SDK2: variants seen among roughly 807,000 people sequenced by gnomAD.
SDK2 encodes protein sidekick-2.
SDK2 carries 105 observed loss-of-function variants against 253.9 expected under a neutral mutation model. The observed-to-expected ratio is 0.41, with a 90% CI of 0.35 to 0.49. The LOEUF is 0.49. SDK2 is among the 20% of genes least tolerant of loss of function. The pLI, the probability that SDK2 is intolerant of heterozygous loss-of-function variation, is 0.06. For missense variants in SDK2, 2,608 were observed against 3,003.0 expected (o/e 0.87, Z 3.07); for synonymous variants, 1,249 against 1,234.9 (o/e 1.01, Z -0.24).
chr17:73,589,756 T>A (rs139301924), intron 1 of SDK2, among the ~76,000 whole-genome samples: 4 of 152,322 alleles, frequency 2.6e-5, no homozygotes, highest in African/African-American at 9.6e-5. Context: ...GCAATAAGCC[T>A]CATCCCCAGG....
Position 73,431,167 on chromosome 17 carries a change from G to A in SDK2, c.1480+335C>T, listed in dbSNP as rs2063322919. On this transcript the variant is annotated intron_variant, in intron 11 of 44. Coordinates refer to ENST00000392650, the MANE Select transcript of SDK2 (RefSeq NM_001144952.2). This position sits in a 1 kb window ranked among gnomAD's most constrained non-coding sequence, Gnocchi z 5.6. ...GAGTCGTTGTGACAGAGACCGTCTGGCCCACACAGCTTAAAATATTTATGA... is the reference window on the plus strand; with the variant it reads ...GAGTCGTTGTGACAGAGACCGTCTGACCCACACAGCTTAAAATATTTATGA... Among the ~76,000 whole-genome samples, 1 of 152,314 alleles carries A rather than the reference G, an allele frequency of 6.6e-6. No individual in the cohort carries two copies. The highest frequency in any genetic ancestry group is 1.9e-4 in the East Asian group (1 of 5,178).
intron 6 of SDK2, among the ~76,000 whole-genome samples, chr17:73,440,108 CTTTT>C (rs112008765): frequency 1.4e-5 from 2 of 138,694 alleles, no homozygotes; most frequent in African/African-American, 2.6e-5. Context: ...AGCCCATACT[CTTTT>C]TTTTTTTTTT....
intron 1 of SDK2, among the ~76,000 whole-genome samples, chr17:73,599,298 G>A (rs372661337): frequency 2.0e-5 from 3 of 152,246 alleles, no homozygotes; most frequent in East Asian, 3.9e-4. Context: ...TTGGGAGGCC[G>A]AAGGGGGTGG....
chr17:73,430,649 G>A (rs1466700555), intron 11 of SDK2, 36 bp from the exon 12 acceptor site: 1 of 1,415,542 alleles, frequency 7.1e-7, no homozygotes, highest in South Asian at 1.4e-5. Flanking sequence ...GGTGAGAAGA[G>A]GTGTGGGGGC....
At chr17:73,416,060 T>G in intron 16 of SDK2, 68 bp from the exon 17 acceptor site, 1 of 1,447,408 alleles carries the variant, frequency 6.9e-7, no homozygotes, top group Middle Eastern at 2.0e-4. Context: ...CAGGAAATTG[T>G]CCAGAGCAGC....
intron 5 of SDK2, among the ~76,000 whole-genome samples, chr17:73,442,593 G>A (rs947491789): frequency 8.5e-5 from 13 of 152,122 alleles, no homozygotes; most frequent in African/African-American, 1.7e-4. Flanking sequence ...CACCCGCCTC[G>A]GCCTCCCAAA....
intron 2 of SDK2, among the ~76,000 whole-genome samples, chr17:73,472,655 T>C (rs2063660851): frequency 6.6e-6 from 1 of 152,200 alleles, no homozygotes; most frequent in Non-Finnish European, 1.5e-5. Flanking sequence ...GAAATTTACA[T>C]GTTTTCCCAA....
chr17:73,376,462 G>A (rs1359317185), intron 36 of SDK2, among the ~76,000 whole-genome samples: 3 of 152,230 alleles, frequency 2.0e-5, no homozygotes, highest in Non-Finnish European at 4.4e-5. Context: ...CAGCTTCGGT[G>A]TGCTCATGGG....
chr17:73,410,769 A>G (rs1029481421), intron 18 of SDK2, among the ~76,000 whole-genome samples: 1 of 152,204 alleles, frequency 6.6e-6, no homozygotes, highest in Non-Finnish European at 1.5e-5. Flanking sequence ...CGTCTGGGCA[A>G]TTCACTCCTG....
intron 39 of SDK2, among the ~76,000 whole-genome samples, chr17:73,360,600 C>T (rs1037676317): frequency 1.6e-5 from 2 of 122,796 alleles, no homozygotes; most frequent in African/African-American, 6.2e-5. Context: ...TTGACCATGG[C>T]AAATGCCTGG....
At chr17:73,508,101 T>A (rs1230791804) in intron 1 of SDK2, among the ~76,000 whole-genome samples, 2 of 152,208 alleles carry the variant, frequency 1.3e-5, no homozygotes, top group African/African-American at 4.8e-5. Flanking sequence ...ACAGAGTCCA[T>A]CCAGCAGGGC....
intron 21 of SDK2, among the ~76,000 whole-genome samples, chr17:73,400,095 C>T (rs1599526244): frequency 6.6e-6 from 1 of 152,204 alleles, no homozygotes; most frequent in Non-Finnish European, 1.5e-5. Flanking sequence ...ATCTACGCAG[C>T]AGGTGGAGGG....
intron 1 of SDK2, among the ~76,000 whole-genome samples, chr17:73,575,405 A>G (rs1468781832): frequency 1.3e-5 from 2 of 152,194 alleles, no homozygotes; most frequent in Non-Finnish European, 2.9e-5. Flanking sequence ...TTCACCAGGT[A>G]TTTCCAGAAC....
chr17:73,620,901 T>C (rs1167986810), intron 1 of SDK2, among the ~76,000 whole-genome samples: 1 of 152,204 alleles, frequency 6.6e-6, no homozygotes, highest in Non-Finnish European at 1.5e-5. Context: ...GGTTTCCTTT[T>C]GGGGTGATAA....
chr17:73,450,320 G>A (rs1358362760), intron 4 of SDK2, among the ~76,000 whole-genome samples: 3 of 152,230 alleles, frequency 2.0e-5, no homozygotes, highest in Admixed American at 2.0e-4. Flanking sequence ...GAGGTTGAAG[G>A]ATTCTGATTC....
chr17:73,387,377 G>C (rs538686487), intron 30 of SDK2, among the ~76,000 whole-genome samples: 1 of 152,152 alleles, frequency 6.6e-6, no homozygotes, highest in Non-Finnish European at 1.5e-5. Flanking sequence ...TAGATTTATG[G>C]GGGGTGGGAG....
At chr17:73,416,836 G>A (rs1378782024) in intron 16 of SDK2, among the ~76,000 whole-genome samples, 1 of 150,442 alleles carries the variant, frequency 6.6e-6, no homozygotes, top group Admixed American at 6.6e-5. Flanking sequence ...TGATCCACCT[G>A]CCTCAGCCTC....
chr17:73,398,550 G>A, intron 22 of SDK2, 121 bp from the exon 23 acceptor site: 1 of 727,028 alleles, frequency 1.4e-6, no homozygotes, highest in Non-Finnish European at 2.3e-6. Flanking sequence ...CATCTGGAGG[G>A]CACCATATGG....
chr17:73,362,577 G>A (rs2062650506), intron 38 of SDK2, among the ~76,000 whole-genome samples: 1 of 152,082 alleles, frequency 6.6e-6, no homozygotes, highest in Non-Finnish European at 1.5e-5. Flanking sequence ...TTTTTGTAGA[G>A]ACAGGGTCTC....
Sources: allele counts gnomAD v4.1 joint callset (sites outside exome capture counted in the v4.1 genomes callset), GRCh38; gene constraint gnomAD v4.1.1; non-coding constraint Gnocchi (gnomAD v3.1); transcripts MANE v1.5; gene names NCBI Gene and HGNC (gene_info 2026-07-23, HGNC 2026-07-21).